The following CEP83 variants were observed in gnomAD, a reference collection of about 807,000 sequenced individuals.
The protein encoded by CEP83 is centrosomal protein of 83 kDa.
In CEP83, 70 loss-of-function variants were observed where a neutral mutation model predicts 101.9. That is an observed-to-expected ratio of 0.69 (90% CI 0.57 to 0.84). The LOEUF (loss-of-function observed/expected upper bound fraction) is 0.84. Ranked by LOEUF, CEP83 falls within the 40% of genes least tolerant of loss-of-function variation. The pLI is 0.00. For missense variants in CEP83, 715 were observed against 787.2 expected, an observed-to-expected ratio of 0.91 and a Z score of 1.10; for synonymous variants, 264 against 267.9, an observed-to-expected ratio of 0.99 and a Z score of 0.14.
chr12:94,306,776 A>G (rs1019192377), downstream of CEP83: 2 of 152,212 alleles, frequency 1.3e-5, no homozygotes, highest in African/African-American at 4.8e-5. Context: ...AAAGCATGAG[A>G]GAGGTGACAC....
intron 11 of CEP83, among the ~76,000 whole-genome samples, chr12:94,348,081 T>C (rs1374421090): frequency 6.6e-6 from 1 of 151,978 alleles, no homozygotes. Context: ...ATAGTTAAAA[T>C]GGTAAATTTT....
At chr12:94,282,347 C>T in the CEP83 span, 1 of 1,614,058 alleles carries the variant, frequency 6.2e-7, no homozygotes, top group Non-Finnish European at 8.5e-7. Flanking sequence ...TCGACAGTTC[C>T]TCCGTGATTC....
chr12:94,388,572 G>C (rs1375380289), intron 6 of CEP83, among the ~76,000 whole-genome samples: 4 of 152,026 alleles, frequency 2.6e-5, no homozygotes, highest in African/African-American at 9.7e-5. Flanking sequence ...ATCTACACAT[G>C]TAACCCCTGA....
intron 6 of CEP83, among the ~76,000 whole-genome samples, chr12:94,386,513 T>G (rs2062158294): frequency 6.6e-6 from 1 of 152,202 alleles, no homozygotes; most frequent in East Asian, 1.9e-4. Context: ...AAAGATCATG[T>G]AGCTCAATTT....
chr12:94,333,444 A>G (rs2059323182), intron 13 of CEP83, 38 bp downstream of exon 13: 21 of 1,575,004 alleles, frequency 1.3e-5, no homozygotes, highest in Non-Finnish European at 1.6e-5. Flanking sequence ...TATATAGAAA[A>G]AAGAAAAAAT....
chr12:94,296,316 A>G, the CEP83 span, among the ~76,000 whole-genome samples: 1 of 152,086 alleles, frequency 6.6e-6, no homozygotes, highest in African/African-American at 2.4e-5. Context: ...GTGTGCTACC[A>G]TGCTCAGATA....
chr12:94,317,787 TA>T (rs986966921), intron 14 of CEP83, among the ~76,000 whole-genome samples: 1 of 152,222 alleles, frequency 6.6e-6, no homozygotes, highest in East Asian at 1.9e-4. Flanking sequence ...TTTGTTTTTG[TA>T]TCAATATCAT....
chr12:94,352,812 G>T (rs988374490), intron 11 of CEP83, among the ~76,000 whole-genome samples: 1 of 152,052 alleles, frequency 6.6e-6, no homozygotes, highest in Admixed American at 6.5e-5. Context: ...TAATAATAAA[G>T]AATAAAAGGG....
chr12:94,458,064 G>C (rs1738573065), intron 1 of CEP83, among the ~76,000 whole-genome samples: 1 of 151,928 alleles, frequency 6.6e-6, no homozygotes, highest in Non-Finnish European at 1.5e-5. Flanking sequence ...GGGCATGGTG[G>C]CATGCACCTG....
At chr12:94,373,564 C>T (rs998521864) in intron 8 of CEP83, among the ~76,000 whole-genome samples, 1 of 152,178 alleles carries the variant, frequency 6.6e-6, no homozygotes, top group Admixed American at 6.5e-5. Context: ...ATAAGGACAA[C>T]TCTGTTGGGT....
At chr12:94,428,512 C>T (rs1250396861) in intron 2 of CEP83, among the ~76,000 whole-genome samples, 1 of 151,998 alleles carries the variant, frequency 6.6e-6, no homozygotes, top group African/African-American at 2.4e-5. Context: ...AGATTTATGC[C>T]GTAATCTGAA....
At chr12:94,293,997 C>T in the CEP83 span, among the ~76,000 whole-genome samples, 7 of 152,144 alleles carry the variant, frequency 4.6e-5, no homozygotes, top group African/African-American at 1.7e-4. Flanking sequence ...CCCAAAGGCC[C>T]TACCTCCTAA....
intron 14 of CEP83, among the ~76,000 whole-genome samples, chr12:94,322,417 G>GT (rs2058786179): frequency 6.6e-6 from 1 of 151,944 alleles, no homozygotes; most frequent in Non-Finnish European, 1.5e-5. Context: ...AGGGATTCAA[G>GT]TAAAAAAGCA....
chr12:94,406,931 C>T (rs923640989), intron 4 of CEP83, among the ~76,000 whole-genome samples: 4 of 100,320 alleles, frequency 4.0e-5, no homozygotes, highest in Non-Finnish European at 8.9e-5. Flanking sequence ...TGTCTCAAAA[C>T]AAAAAAAAAA....
chr12:94,424,153 C>A, intron 2 of CEP83: 1 of 1,603,572 alleles, frequency 6.2e-7, no homozygotes, highest in South Asian at 1.1e-5. Flanking sequence ...GAGCAAGCAT[C>A]CTGTTGGGGG....
chr12:94,419,815 T>C (rs1214224664), intron 2 of CEP83, among the ~76,000 whole-genome samples: 2 of 152,054 alleles, frequency 1.3e-5, no homozygotes, highest in African/African-American at 4.8e-5. Context: ...AACTTGCGCC[T>C]TTCTTTTTAT....
intron 6 of CEP83, among the ~76,000 whole-genome samples, chr12:94,380,635 A>G (rs1264596432): frequency 6.6e-6 from 1 of 152,146 alleles, no homozygotes; most frequent in Non-Finnish European, 1.5e-5. Flanking sequence ...TTAATGTGCT[A>G]TATTAGAGGT....
intron 7 of CEP83, among the ~76,000 whole-genome samples, chr12:94,377,029 C>T (rs1377874640): frequency 6.6e-6 from 1 of 152,062 alleles, no homozygotes; most frequent in Non-Finnish European, 1.5e-5. Flanking sequence ...GCATAAGCGA[C>T]CACACCTGAC....
intron 11 of CEP83, among the ~76,000 whole-genome samples, chr12:94,359,070 C>T (rs2060619525): frequency 6.6e-6 from 1 of 152,208 alleles, no homozygotes; most frequent in Non-Finnish European, 1.5e-5. Context: ...TTAATTTGGC[C>T]CATCCCTTCA....
Sources: gnomAD v4.1 joint callset for allele counts (sites outside exome capture counted in the v4.1 genomes callset) on GRCh38, gnomAD v4.1.1 for gene constraint, MANE v1.5 for transcripts, NCBI Gene and HGNC (gene_info 2026-07-23, HGNC 2026-07-21) for gene names.